Variants in MCTP1 observed in about 807,000 individuals in gnomAD.
The protein encoded by MCTP1 is multiple C2 and transmembrane domain containing 1.
In MCTP1, 69 loss-of-function variants were observed where a neutral mutation model predicts 120.6. The observed-to-expected ratio is 0.57, with a 90% CI of 0.47 to 0.70. The LOEUF is 0.70. Among genes scored for constraint, MCTP1 ranks in the 30% least tolerant of loss-of-function variants. The pLI is 0.00. For missense variants in MCTP1, 1,203 were observed against 1,248.8 expected (o/e 0.96, Z 0.55); for synonymous variants, 529 against 493.1 (o/e 1.07, Z -0.96).
chr5:95,169,164 T>C (rs1197760312), intron 1 of MCTP1, among the ~76,000 whole-genome samples: 1 of 152,278 alleles, frequency 6.6e-6, no homozygotes, highest in Non-Finnish European at 1.5e-5. Flanking sequence ...CATGTGGTTT[T>C]TGTCTTTGGT....
At chr5:94,978,482 AG>A (rs1828619456) in intron 2 of MCTP1, among the ~76,000 whole-genome samples, 1 of 152,102 alleles carries the variant, frequency 6.6e-6, no homozygotes, top group Non-Finnish European at 1.5e-5. Flanking sequence ...ATGCATAAAA[AG>A]AAGATGTGGT....
In MCTP1 at chr5:94,705,163, AAATG is replaced by A. The variant is rs1298688140; in HGVS notation, c.*2329_*2332del. 2.6e-5 allele frequency: 4 copies of A among 151,518 alleles called. No homozygotes were observed. The highest frequency in any genetic ancestry group is 5.9e-5 in the Non-Finnish European group (4 of 67,606). 9.4% of individuals were successfully genotyped at this position (151,518 alleles called of 1,614,324 possible). On this transcript the variant is annotated 3_prime_UTR_variant, in exon 23 of 23. Transcript: ENST00000515393. ...AGAAATATTTACATCACAGATCTCA[AAATG>A]AAGGCAAGTCAGGCAGCTCTCAAGA...
intron 1 of MCTP1, among the ~76,000 whole-genome samples, chr5:95,259,566 A>G (rs1057099980): frequency 2.6e-5 from 4 of 152,188 alleles, no homozygotes; most frequent in Non-Finnish European, 5.9e-5. Context: ...TCCTGCTTTA[A>G]TAACACCTTA....
intron 21 of MCTP1, chr5:94,710,429 A>G (rs973197793): frequency 5.1e-5 from 10 of 194,792 alleles, no homozygotes; most frequent in Non-Finnish European, 9.3e-5. Flanking sequence ...CCATGTTTAC[A>G]TATATTCCAC....
chr5:94,927,146 G>A (rs892104511), intron 6 of MCTP1, among the ~76,000 whole-genome samples: 7 of 152,048 alleles, frequency 4.6e-5, no homozygotes, highest in Non-Finnish European at 1.5e-5. Context: ...TTTAATTATG[G>A]CTCCATGTAT....
At chr5:94,742,035 A>G (rs1213777659) in intron 19 of MCTP1, among the ~76,000 whole-genome samples, 1 of 152,154 alleles carries the variant, frequency 6.6e-6, no homozygotes, top group Non-Finnish European at 1.5e-5. Context: ...GAGTGTTTGA[A>G]CGACACTGTA....
At chr5:95,104,066 C>T (rs1201020091) in intron 1 of MCTP1, among the ~76,000 whole-genome samples, 1 of 152,048 alleles carries the variant, frequency 6.6e-6, no homozygotes, top group Admixed American at 6.6e-5. Context: ...CTGTGATTGC[C>T]AACAGGAATG....
intron 3 of MCTP1, among the ~76,000 whole-genome samples, chr5:94,943,286 C>G (rs902129864): frequency 6.6e-6 from 1 of 152,128 alleles, no homozygotes; most frequent in South Asian, 2.1e-4. Flanking sequence ...GGAAGGAGTA[C>G]GCATGCTAGC....
intron 17 of MCTP1, among the ~76,000 whole-genome samples, chr5:94,804,113 G>A (rs1781766652): frequency 6.6e-6 from 1 of 152,214 alleles, no homozygotes; most frequent in Non-Finnish European, 1.5e-5. Context: ...ATAAATGATA[G>A]TTGCTTTAAG....
chr5:95,116,009 T>C (rs1002434716), intron 1 of MCTP1, among the ~76,000 whole-genome samples: 4 of 151,852 alleles, frequency 2.6e-5, no homozygotes, highest in Non-Finnish European at 4.4e-5. Context: ...AAAAAAAACT[T>C]TTACTCCAGA....
intron 3 of MCTP1, among the ~76,000 whole-genome samples, chr5:94,948,342 T>C (rs980230337): frequency 6.6e-6 from 1 of 152,206 alleles, no homozygotes; most frequent in African/African-American, 2.4e-5. Context: ...ACCATTACTA[T>C]GATGAAGATG....
intron 1 of MCTP1, among the ~76,000 whole-genome samples, chr5:95,064,839 T>C (rs925168669): frequency 6.6e-6 from 1 of 152,240 alleles, no homozygotes. Context: ...TCAATAATTT[T>C]CCAAACTGAT....
rs1327689971 is a variant in MCTP1, at chr5:95,163,580, A to C, written c.720+120276T>G. Among the ~76,000 whole-genome samples, 3 of 152,234 alleles carry C rather than the reference A, an allele frequency of 2.0e-5. No homozygotes were observed. The East Asian group carries it at 5.8e-4, about 29-fold the overall frequency. On this transcript the variant is annotated intron_variant, in intron 1 of 22. Transcript: ENST00000515393. ...ACGTGTTGGGTAACACTGCATATTC[A>C]ATAGTATATACAATATTTAAATGCC...
chr5:94,789,816 A>G (rs1381940941), intron 18 of MCTP1, among the ~76,000 whole-genome samples: 1 of 152,192 alleles, frequency 6.6e-6, no homozygotes, highest in Admixed American at 6.5e-5. Context: ...TTTGAACCAC[A>G]GTTTGTACTG....
At chr5:94,825,720 G>C (rs1318519906) in intron 17 of MCTP1, among the ~76,000 whole-genome samples, 1 of 151,870 alleles carries the variant, frequency 6.6e-6, no homozygotes, top group Non-Finnish European at 1.5e-5. Context: ...GAATCTGGGT[G>C]CTCCTGTATT....
chr5:95,139,375 C>CA (rs1203125173), intron 1 of MCTP1, among the ~76,000 whole-genome samples: 1 of 152,130 alleles, frequency 6.6e-6, no homozygotes, highest in Admixed American at 6.5e-5. Flanking sequence ...CCGGCAAATG[C>CA]AAATTTCTTA....
intron 2 of MCTP1, among the ~76,000 whole-genome samples, chr5:94,999,628 C>T (rs1400184848): frequency 6.6e-6 from 1 of 152,102 alleles, no homozygotes; most frequent in East Asian, 1.9e-4. Flanking sequence ...TTTTCCACTT[C>T]AGCATAATTA....
intron 17 of MCTP1, among the ~76,000 whole-genome samples, chr5:94,821,403 A>G (rs1785618458): frequency 6.6e-6 from 1 of 152,208 alleles, no homozygotes; most frequent in Non-Finnish European, 1.5e-5. Context: ...GGAAACACAG[A>G]TTCGACATTT....
intron 1 of MCTP1, among the ~76,000 whole-genome samples, chr5:95,160,377 G>A (rs982181636): frequency 7.9e-5 from 12 of 152,160 alleles, no homozygotes; most frequent in Non-Finnish European, 1.6e-4. Context: ...TTTCTAATTT[G>A]AGGACTCACT....
Sources: allele counts gnomAD v4.1 joint callset (sites outside exome capture counted in the v4.1 genomes callset), GRCh38; gene constraint gnomAD v4.1.1; transcripts MANE v1.5; gene names NCBI Gene and HGNC (gene_info 2026-07-23, HGNC 2026-07-21).